Variants in PDE1A observed in about 807,000 individuals in gnomAD.
PDE1A encodes the protein phosphodiesterase 1A.
In PDE1A, 35 loss-of-function variants were observed where a neutral mutation model predicts 61.7. The observed-to-expected ratio is 0.57, with a 90% CI of 0.43 to 0.75. The LOEUF (loss-of-function observed/expected upper bound fraction) is 0.75, where lower values mean the gene tolerates loss of function less well. Among genes scored for constraint, PDE1A ranks in the 30% least tolerant of loss-of-function variants. The probability of loss-of-function intolerance (pLI) is 0.00; values close to 1 mark genes in which losing one functional copy is unlikely to be tolerated. For synonymous variants in PDE1A, 232 were observed against 213.2 expected (o/e 1.09, Z -0.77); for missense variants, 597 against 630.6 (o/e 0.95, Z 0.57).
chr2:182,373,114 T>A lies in PDE1A; in HGVS notation c.53+53464A>T, dbSNP rs146215641. ...TGGTTGTCTGTGAAGAAGATTAGAA[T>A]GAAAAATACATCACAGGGGCTTCAA... On this transcript the variant is annotated intron_variant, in intron 1 of 13. Transcript: ENST00000351439. Among the ~76,000 whole-genome samples, 289 of 152,328 alleles carry A rather than the reference T, an allele frequency of 1.9e-3. 2 individuals carry two copies. The highest frequency in any genetic ancestry group is 6.7e-3 in the African/African-American group (277 of 41,566).
rs909105280 is a variant in PDE1A at position 182,417,733 on chromosome 2, A to G, written c.53+8845T>C. Among the ~76,000 whole-genome samples the G allele has an allele frequency of 1.4e-4, 21 of 152,192 alleles. 1 individual carries two copies. Among genetic ancestry groups the G allele is most frequent in the African/African-American group, 5.1e-4 (21 of 41,456 alleles). ...ATTCCTAGTGTAAATTATATCATCAAGGAAATGGGTCCCAAATCTAGCAAT... is the reference window on the plus strand; with the variant it reads ...ATTCCTAGTGTAAATTATATCATCAGGGAAATGGGTCCCAAATCTAGCAAT... On this transcript the variant is annotated intron_variant, in intron 1 of 13. Coordinates refer to ENST00000351439, the Ensembl canonical transcript of PDE1A.
At chr2:182,244,126 C>T (rs967637233) in intron 2 of PDE1A, among the ~76,000 whole-genome samples, 31 of 152,266 alleles carry the variant, frequency 2.0e-4, no homozygotes, top group Middle Eastern at 3.4e-3. Flanking sequence ...CTTGGCCTCC[C>T]AAAGTGCTGG....
upstream of PDE1A, among the ~76,000 whole-genome samples, chr2:182,525,116 C>T (rs548953054): frequency 6.2e-4 from 95 of 152,190 alleles, no homozygotes; most frequent in Admixed American, 1.4e-3. Context: ...ATAATAATAA[C>T]ATCTCCTCAT....
intron 1 of PDE1A, among the ~76,000 whole-genome samples, chr2:182,324,334 T>G (rs1300242977): frequency 6.6e-6 from 1 of 151,890 alleles, no homozygotes; most frequent in Non-Finnish European, 1.5e-5. Flanking sequence ...TTTTGGGAAC[T>G]TGCATACAAG....
chr2:182,534,270 T>C, the PDE1A span, among the ~76,000 whole-genome samples: 4 of 152,032 alleles, frequency 2.6e-5, no homozygotes, highest in African/African-American at 7.2e-5. Context: ...TGTTTTTTTT[T>C]CCAATTTTCC....
chr2:182,189,735 A>C (rs1685532522), intron 10 of PDE1A, among the ~76,000 whole-genome samples: 1 of 152,214 alleles, frequency 6.6e-6, no homozygotes, highest in Admixed American at 6.5e-5. Flanking sequence ...CTTCATGAGA[A>C]GTAATTAAAT....
chr2:182,596,306 G>A, the PDE1A span, among the ~76,000 whole-genome samples: 1 of 152,162 alleles, frequency 6.6e-6, no homozygotes, highest in Non-Finnish European at 1.5e-5. Context: ...TCAGGCAAAG[G>A]GGAGTCCGAA....
chr2:182,608,448 G>A, the PDE1A span, among the ~76,000 whole-genome samples: 2 of 152,204 alleles, frequency 1.3e-5, no homozygotes, highest in African/African-American at 4.8e-5. Context: ...CAGCTTGCGA[G>A]GAGATGTGGA....
chr2:182,329,113 A>G (rs1178781377), intron 1 of PDE1A, among the ~76,000 whole-genome samples: 3 of 152,178 alleles, frequency 2.0e-5, no homozygotes, highest in Non-Finnish European at 2.9e-5. Context: ...AAAAACTGTA[A>G]TTCACATGTG....
chr2:182,713,923 C>T, the PDE1A span, among the ~76,000 whole-genome samples: 305 of 152,280 alleles, frequency 2.0e-3, 6 homozygotes, highest in East Asian at 5.8e-4. Flanking sequence ...AATCTAACTT[C>T]CAGCCTTACC....
chr2:182,329,417 T>G (rs1218058103), intron 1 of PDE1A, among the ~76,000 whole-genome samples: 1 of 152,142 alleles, frequency 6.6e-6, no homozygotes, highest in Non-Finnish European at 1.5e-5. Flanking sequence ...GAGATGGAGT[T>G]TCACTCTAGT....
At chr2:182,450,428 C>T (rs1195999191) in intron 2 of PDE1A, among the ~76,000 whole-genome samples, 1 of 152,010 alleles carries the variant, frequency 6.6e-6, no homozygotes, top group Admixed American at 6.6e-5. Flanking sequence ...ATGACTCCAC[C>T]TCATGTCATG....
the PDE1A span, among the ~76,000 whole-genome samples, chr2:182,565,648 A>T: frequency 6.6e-6 from 1 of 152,142 alleles, no homozygotes; most frequent in South Asian, 2.1e-4. Context: ...GTGATGAGAA[A>T]CACAATTTAT....
chr2:182,415,501 C>A (rs1702860955), intron 1 of PDE1A, among the ~76,000 whole-genome samples: 1 of 151,842 alleles, frequency 6.6e-6, no homozygotes, highest in Non-Finnish European at 1.5e-5. Flanking sequence ...CTTGTACAAC[C>A]TAGAAGTCAT....
the PDE1A span, among the ~76,000 whole-genome samples, chr2:182,707,245 C>CA: frequency 6.6e-6 from 1 of 150,788 alleles, no homozygotes; most frequent in African/African-American, 2.4e-5. Flanking sequence ...GCTTAAAAGG[C>CA]AAAAAATTTA....
intron 2 of PDE1A, among the ~76,000 whole-genome samples, chr2:182,491,588 G>T (rs1021244785): frequency 6.6e-6 from 1 of 152,204 alleles, no homozygotes; most frequent in African/African-American, 2.4e-5. Context: ...CTGGACATTT[G>T]TCCTAAGAAG....
chr2:182,683,219 G>C, the PDE1A span, among the ~76,000 whole-genome samples: 1 of 151,430 alleles, frequency 6.6e-6, no homozygotes, highest in Non-Finnish European at 1.5e-5. Context: ...CACCTCCTGA[G>C]TAGCTGGGAT....
intron 1 of PDE1A, among the ~76,000 whole-genome samples, chr2:182,306,272 G>A (rs1695578160): frequency 6.6e-6 from 1 of 152,056 alleles, no homozygotes; most frequent in African/African-American, 2.4e-5. Flanking sequence ...GTACAGCATT[G>A]TAAGTCATGC....
chr2:182,546,258 G>T, the PDE1A span, among the ~76,000 whole-genome samples: 2 of 152,156 alleles, frequency 1.3e-5, no homozygotes, highest in African/African-American at 4.8e-5. Flanking sequence ...TTGTGCTGTT[G>T]CTAGGATGCA....
Sources: gnomAD v4.1 joint callset for allele counts (sites outside exome capture counted in the v4.1 genomes callset) on GRCh38, gnomAD v4.1.1 for gene constraint, MANE v1.5 for transcripts, NCBI Gene and HGNC (gene_info 2026-07-23, HGNC 2026-07-21) for gene names.